The following SLC30A9 variants were observed in gnomAD, a reference collection of about 807,000 sequenced individuals.
The protein encoded by SLC30A9 is solute carrier family 30 member 9.
A neutral mutation model predicts 87.5 loss-of-function variants in SLC30A9; 58 were observed. The ratio of observed to expected loss-of-function variants is 0.66; its 90% confidence interval spans 0.54 to 0.82. The LOEUF is 0.82. Ranked by LOEUF, SLC30A9 falls within the 40% of genes least tolerant of loss-of-function variation. The probability of loss-of-function intolerance (pLI) is 0.00; values close to 1 mark genes in which losing one functional copy is unlikely to be tolerated. For synonymous variants in SLC30A9, 234 were observed against 233.0 expected, an observed-to-expected ratio of 1.00 and a Z score of -0.04; for missense variants, 557 against 679.1, an observed-to-expected ratio of 0.82 and a Z score of 2.00.
chr4:42,043,982 G>A (rs562571277), intron 8 of SLC30A9, among the ~76,000 whole-genome samples: 4 of 152,068 alleles, frequency 2.6e-5, no homozygotes, highest in South Asian at 2.1e-4. Context: ...CTTCATAAGC[G>A]AAGGAGAAGA....
At position 42,062,149 on chromosome 4, in the gene SLC30A9, CTGCCAT is replaced by C. The variant is rs555134386; in HGVS notation, c.897-833_897-828del. ...GTGGAGGTTGCAGTGAGCCAAGATC[CTGCCAT>C]TGCACTCCAGCCTGAGCAACGAGCA... On this transcript the variant is annotated intron_variant, in intron 10 of 17. Transcript: ENST00000264451. 4.1e-4 allele frequency among the ~76,000 whole-genome samples: 61 copies of C among 149,604 alleles called. 1 individual carries two copies. In the South Asian group the frequency reaches 0.012, roughly 30 times the overall value.
chr4:41,996,296 A>T (rs951686345), intron 1 of SLC30A9, among the ~76,000 whole-genome samples: 1 of 151,150 alleles, frequency 6.6e-6, no homozygotes, highest in Non-Finnish European at 1.5e-5. Flanking sequence ...GGGTTTTTCC[A>T]TGTTGGTCAG....
intron 8 of SLC30A9, among the ~76,000 whole-genome samples, chr4:42,043,760 A>G (rs1403530956): frequency 1.3e-5 from 2 of 152,230 alleles, no homozygotes; most frequent in East Asian, 3.8e-4. Flanking sequence ...CTCAAGTCAC[A>G]TAATCATCAG....
At chr4:41,997,072 AAG>A (rs906824926) in intron 1 of SLC30A9, among the ~76,000 whole-genome samples, 2 of 151,484 alleles carry the variant, frequency 1.3e-5, no homozygotes, top group South Asian at 2.1e-4. Context: ...AAAAATGAAA[AAG>A]AAAAATAGAA....
At chr4:42,059,512 GAA>G (rs1717759402) in intron 9 of SLC30A9, among the ~76,000 whole-genome samples, 1 of 152,106 alleles carries the variant, frequency 6.6e-6, no homozygotes. Flanking sequence ...AGGAAGGAAA[GAA>G]AAGAATATGA....
chr4:42,090,178 A>G lies in SLC30A9; in HGVS notation c.*4052A>G, dbSNP rs1005171508. The G allele has an allele frequency of 1.3e-5, 2 of 152,238 alleles. No individual in the cohort carries two copies. The highest frequency in any genetic ancestry group is 4.8e-5 in the African/African-American group (2 of 41,462). 9.4% of individuals were successfully genotyped at this position (152,238 alleles called of 1,614,324 possible). ...CAAACTGTCAGAAGTCAGTGAAGCAAAGAATCGAAGGTAAAATGTTGATTC... is the reference window on the plus strand; with the variant it reads ...CAAACTGTCAGAAGTCAGTGAAGCAGAGAATCGAAGGTAAAATGTTGATTC... On this transcript the variant is annotated 3_prime_UTR_variant, in exon 18 of 18. Coordinates refer to ENST00000264451, the MANE Select transcript of SLC30A9 (RefSeq NM_006345.4).
At chr4:42,058,113 A>C (rs932232196) in intron 9 of SLC30A9, among the ~76,000 whole-genome samples, 22 of 152,106 alleles carry the variant, frequency 1.4e-4, no homozygotes, top group Non-Finnish European at 2.4e-4. Flanking sequence ...AAAAAAAAAA[A>C]AAAAAAAACT....
At chr4:42,044,904 A>G (rs1428079114) in intron 8 of SLC30A9, among the ~76,000 whole-genome samples, 1 of 152,202 alleles carries the variant, frequency 6.6e-6, no homozygotes, top group African/African-American at 2.4e-5. Flanking sequence ...AAGATTAAGA[A>G]ACTCACTCAA....
intron 1 of SLC30A9, among the ~76,000 whole-genome samples, chr4:41,997,411 A>G (rs951966819): frequency 6.6e-6 from 1 of 152,104 alleles, no homozygotes; most frequent in African/African-American, 2.4e-5. Flanking sequence ...AGTTCCAGAT[A>G]ATTTAGCTAT....
chr4:42,007,026 C>T (rs1473104876), intron 2 of SLC30A9, among the ~76,000 whole-genome samples: 1 of 152,032 alleles, frequency 6.6e-6, no homozygotes, highest in Non-Finnish European at 1.5e-5. Flanking sequence ...AGGGGAGGTA[C>T]TTGATCAGAT....
chr4:42,009,037 A>G (rs1018317629), intron 2 of SLC30A9, among the ~76,000 whole-genome samples: 14 of 152,216 alleles, frequency 9.2e-5, no homozygotes, highest in African/African-American at 3.4e-4. Context: ...TGATGAAATA[A>G]TATAATTAAG....
intron 8 of SLC30A9, among the ~76,000 whole-genome samples, chr4:42,045,246 C>G (rs1374782877): frequency 2.6e-5 from 4 of 152,032 alleles, no homozygotes; most frequent in Non-Finnish European, 5.9e-5. Context: ...ACACCAAAAA[C>G]CCTTCAAAAA....
intron 3 of SLC30A9, among the ~76,000 whole-genome samples, chr4:42,019,359 C>T (rs1016113279): frequency 6.6e-6 from 1 of 152,160 alleles, no homozygotes; most frequent in African/African-American, 2.4e-5. Context: ...GACCAATGTT[C>T]TGTAATTTTT....
intron 17 of SLC30A9, among the ~76,000 whole-genome samples, chr4:42,082,883 GTTA>G (rs1339296183): frequency 1.3e-5 from 2 of 151,248 alleles, no homozygotes; most frequent in African/African-American, 4.9e-5. Flanking sequence ...CTTTTGTATA[GTTA>G]TCTGTAAAGG....
At chr4:42,068,245 C>CTTT (rs59683160) in intron 14 of SLC30A9, among the ~76,000 whole-genome samples, 5 of 142,292 alleles carry the variant, frequency 3.5e-5, no homozygotes, top group Admixed American at 7.0e-5. Flanking sequence ...GAACTTAACT[C>CTTT]TTTTTTTTTT....
chr4:42,081,988 C>T (rs763206753), intron 17 of SLC30A9, among the ~76,000 whole-genome samples: 4 of 152,020 alleles, frequency 2.6e-5, no homozygotes, highest in African/African-American at 9.7e-5. Context: ...GAGGCCGAGG[C>T]GGGTGGATCA....
intron 6 of SLC30A9, among the ~76,000 whole-genome samples, chr4:42,034,793 G>T (rs1344988981): frequency 6.6e-6 from 1 of 152,194 alleles, no homozygotes; most frequent in Admixed American, 6.5e-5. Flanking sequence ...CGTATGTCCA[G>T]AAGTAGGATT....
At chr4:42,053,695 C>CAAAAAAAAAAAAAAAAAA (rs56190460) in intron 9 of SLC30A9, among the ~76,000 whole-genome samples, 2 of 55,922 alleles carry the variant, frequency 3.6e-5, no homozygotes, top group Admixed American at 2.8e-4. Flanking sequence ...ACTCGGTCTC[C>CAAAAAAAAAAAAAAAAAA]AAAAAAAAAA....
At chr4:41,990,999 G>A (rs1714412684) in intron 1 of SLC30A9, among the ~76,000 whole-genome samples, 1 of 152,216 alleles carries the variant, frequency 6.6e-6, no homozygotes, top group Admixed American at 6.5e-5. Flanking sequence ...GGCACCTCGC[G>A]GGCCGGATTG....
Sources: gnomAD v4.1 joint callset for allele counts (sites outside exome capture counted in the v4.1 genomes callset) on GRCh38, gnomAD v4.1.1 for gene constraint, MANE v1.5 for transcripts, NCBI Gene and HGNC (gene_info 2026-07-23, HGNC 2026-07-21) for gene names.